The following ARPP21 variants were observed in gnomAD, a reference collection of about 807,000 sequenced individuals.
ARPP21 encodes cAMP-regulated phosphoprotein 21.
In ARPP21, 69 loss-of-function variants were observed where a neutral mutation model predicts 113.2. The ratio of observed to expected loss-of-function variants is 0.61; its 90% confidence interval spans 0.50 to 0.74. The LOEUF is 0.74. Ranked by LOEUF, ARPP21 falls within the 30% of genes least tolerant of loss-of-function variation. The probability of loss-of-function intolerance (pLI) is 0.00; values close to 1 mark genes in which losing one functional copy is unlikely to be tolerated. For missense variants in ARPP21, 1,070 were observed against 1,037.4 expected (o/e 1.03, Z -0.43); for synonymous variants, 368 against 375.5 (o/e 0.98, Z 0.23).
At chr3:35,670,976 C>T (rs1164653087) in intron 1 of ARPP21, among the ~76,000 whole-genome samples, 1 of 152,080 alleles carries the variant, frequency 6.6e-6, no homozygotes, top group Non-Finnish European at 1.5e-5. Flanking sequence ...AAAGCATGGC[C>T]CCAAACACAA....
chr3:35,740,760 A>G (rs1010860902), intron 18 of ARPP21, among the ~76,000 whole-genome samples: 24 of 152,166 alleles, frequency 1.6e-4, no homozygotes, highest in Non-Finnish European at 1.5e-4. Flanking sequence ...AACAAAATGT[A>G]AGCAGAATGT....
chr3:35,744,127 G>T (rs1272055013), intron 19 of ARPP21, among the ~76,000 whole-genome samples, 162 bp downstream of exon 19: 1 of 152,218 alleles, frequency 6.6e-6, no homozygotes, highest in East Asian at 1.9e-4. Context: ...TGGAAAAGTA[G>T]TAGGTACAAG....
rs761215151 is a variant in ARPP21 at position 35,729,461 on chromosome 3, A to G, written c.1384A>G (p.Thr462Ala). 1 of 1,614,228 alleles carries G rather than the reference A, an allele frequency of 6.2e-7. No individual in the cohort carries two copies. Among genetic ancestry groups the G allele is most frequent in the South Asian group, 1.1e-5 (1 of 91,086 alleles). Residue 462 changes from threonine to alanine, a missense_variant, in exon 15 of 21, where the codon ACC becomes GCC. Transcript: ENST00000684406. ...GIGGQVAPSS[T>A]SYILLPLEAA... ...AGGGGGCCAGGTTGCTCCCAGCAGC[A>G]CCAGCTACATCCTCCTTCCACTTGA... is the stretch of plus-strand genomic sequence containing the variant.
At chr3:35,689,501 C>A in intron 7 of ARPP21, 116 bp downstream of exon 7, 2 of 617,520 alleles carry the variant, frequency 3.2e-6, no homozygotes, top group Admixed American at 3.1e-5. Context: ...CCTTCCCTGA[C>A]GTCTTAAACT....
intron 1 of ARPP21, among the ~76,000 whole-genome samples, chr3:35,648,142 A>G (rs1395262153): frequency 6.6e-6 from 1 of 152,190 alleles, no homozygotes; most frequent in Non-Finnish European, 1.5e-5. Context: ...TTGAAGGCCA[A>G]GCCAAGGTAG....
intron 9 of ARPP21, among the ~76,000 whole-genome samples, chr3:35,705,143 A>G (rs2088287156): frequency 6.6e-6 from 1 of 152,128 alleles, no homozygotes; most frequent in Admixed American, 6.6e-5. Context: ...TAGCATTGAT[A>G]CAATCAACAT....
At chr3:35,651,918 T>G (rs1702545787) in intron 1 of ARPP21, 1 of 152,080 alleles carries the variant, frequency 6.6e-6, no homozygotes, top group Non-Finnish European at 1.5e-5. Context: ...ACAGCTATAC[T>G]CTATATGATG....
intron 19 of ARPP21, among the ~76,000 whole-genome samples, chr3:35,745,319 C>T (rs1044752122): frequency 1.3e-5 from 2 of 152,162 alleles, no homozygotes; most frequent in African/African-American, 4.8e-5. Context: ...TGCTTGCATT[C>T]TGGACTATCT....
chr3:35,714,435 C>T (rs1394403648), intron 11 of ARPP21, among the ~76,000 whole-genome samples: 1 of 152,102 alleles, frequency 6.6e-6, no homozygotes, highest in African/African-American at 2.4e-5. Context: ...ATTATTACTT[C>T]TTTAGTTTTA....
intron 14 of ARPP21, among the ~76,000 whole-genome samples, chr3:35,727,216 G>A (rs991152354): frequency 5.9e-5 from 9 of 152,132 alleles, no homozygotes; most frequent in Non-Finnish European, 1.0e-4. Context: ...CTTGTGACAG[G>A]CCATGGTATA....
chr3:35,651,092 T>G (rs1702187734), intron 1 of ARPP21, among the ~76,000 whole-genome samples: 3 of 152,090 alleles, frequency 2.0e-5, no homozygotes, highest in Admixed American at 2.0e-4. Flanking sequence ...AAATAGTGCC[T>G]GTGATCAGAG....
chr3:35,763,188 C>A (rs2095843217), intron 19 of ARPP21, among the ~76,000 whole-genome samples: 1 of 152,034 alleles, frequency 6.6e-6, no homozygotes, highest in South Asian at 2.1e-4. Context: ...AGTCTCTGAT[C>A]TAATTAAATG....
intron 1 of ARPP21, among the ~76,000 whole-genome samples, chr3:35,653,000 A>G (rs1703081662): frequency 6.6e-6 from 1 of 152,058 alleles, no homozygotes; most frequent in African/African-American, 2.4e-5. Context: ...AGGGACAGTG[A>G]TAAGTGAAAA....
intron 19 of ARPP21, among the ~76,000 whole-genome samples, chr3:35,769,426 A>T (rs551587957): frequency 1.3e-5 from 2 of 152,266 alleles, no homozygotes; most frequent in South Asian, 4.1e-4. Context: ...ACAAGATTCC[A>T]CATCTATCTT....
Position 35,794,430 on chromosome 3 carries a change from G to A in ARPP21, c.*472G>A, listed in dbSNP as rs886894316. The A allele has an allele frequency of 1.9e-5, 3 of 155,220 alleles. No individual in the cohort carries two copies. Among genetic ancestry groups the A allele is most frequent in the African/African-American group, 7.2e-5 (3 of 41,442 alleles). 9.6% of individuals were successfully genotyped at this position (155,220 alleles called of 1,614,324 possible). On this transcript the variant is annotated 3_prime_UTR_variant, in exon 21 of 21. Coordinates refer to ENST00000684406, the MANE Select transcript of ARPP21 (RefSeq NM_001385562.1). ...TAATGGATATATACTGTATTGTAGT[G>A]TTTAATCAAAATAAAACTATTTGAC... is the stretch of plus-strand genomic sequence containing the variant.
At chr3:35,780,966 T>C (rs2096512321) in intron 19 of ARPP21, among the ~76,000 whole-genome samples, 1 of 152,086 alleles carries the variant, frequency 6.6e-6, no homozygotes, top group African/African-American at 2.4e-5. Flanking sequence ...CCTGCAGACC[T>C]GGCTGGGTGT....
chr3:35,722,215 A>G (rs372261207), intron 14 of ARPP21, among the ~76,000 whole-genome samples: 1 of 152,362 alleles, frequency 6.6e-6, no homozygotes, highest in African/African-American at 2.4e-5. Context: ...CACCTGCATT[A>G]CAGTAACTAC....
intron 19 of ARPP21, among the ~76,000 whole-genome samples, chr3:35,784,495 A>G (rs1461606061): frequency 1.3e-5 from 2 of 152,202 alleles, no homozygotes; most frequent in African/African-American, 2.4e-5. Context: ...AATTCATGCT[A>G]TGTCCATCAA....
At chr3:35,718,109 C>G (rs922790403) in intron 13 of ARPP21, among the ~76,000 whole-genome samples, 1 of 152,020 alleles carries the variant, frequency 6.6e-6, no homozygotes, top group Admixed American at 6.6e-5. Context: ...AGAACAACAA[C>G]AAAACTCTTA....
Sources: gnomAD v4.1 joint callset for allele counts (sites outside exome capture counted in the v4.1 genomes callset) on GRCh38, gnomAD v4.1.1 for gene constraint, MANE v1.5 for transcripts, NCBI Gene and HGNC (gene_info 2026-07-23, HGNC 2026-07-21) for gene names.